The following CSMD1 variants were observed in gnomAD, a reference collection of about 807,000 sequenced individuals.
CSMD1 encodes CUB and sushi domain-containing protein 1.
In CSMD1, 213 loss-of-function variants were observed where a neutral mutation model predicts 417.5. The observed-to-expected ratio is 0.51, with a 90% CI of 0.46 to 0.57. The LOEUF is 0.57. Among genes scored for constraint, CSMD1 ranks in the 20% least tolerant of loss-of-function variants. The pLI, the probability that CSMD1 is intolerant of heterozygous loss-of-function variation, is 0.00. For missense variants in CSMD1, 6,923 were observed against 4,529.7 expected (o/e 1.53, Z -15.17); for synonymous variants, 2,862 against 1,736.8 (o/e 1.65, Z -16.11).
chr8:3,308,068 AATAT>A (rs1210235041), intron 24 of CSMD1, among the ~76,000 whole-genome samples: 20 of 30,782 alleles, frequency 6.5e-4, no homozygotes, highest in Non-Finnish European at 1.1e-3. Flanking sequence ...TAATTCTAAT[AATAT>A]GTGATAATTC....
chr8:3,322,463 G>A (rs898260352), intron 23 of CSMD1, among the ~76,000 whole-genome samples: 9 of 152,110 alleles, frequency 5.9e-5, no homozygotes, highest in African/African-American at 2.2e-4. Flanking sequence ...ATTTCATATA[G>A]ATCTTGTTTT....
chr8:4,409,825 T>C (rs929614716), intron 3 of CSMD1, among the ~76,000 whole-genome samples: 10 of 152,098 alleles, frequency 6.6e-5, no homozygotes, highest in Non-Finnish European at 1.5e-4. Context: ...TTAGTTTGTT[T>C]GTCTTTGAGA....
At chr8:3,430,850 A>G (rs1005423312) in intron 12 of CSMD1, among the ~76,000 whole-genome samples, 10 of 152,186 alleles carry the variant, frequency 6.6e-5, no homozygotes, top group African/African-American at 2.4e-4. Flanking sequence ...TTGTAAATAT[A>G]TAAGATAGGT....
intron 5 of CSMD1, among the ~76,000 whole-genome samples, chr8:3,843,897 ATTTACACCC>A (rs979542060): frequency 6.6e-6 from 1 of 152,188 alleles, no homozygotes; most frequent in Non-Finnish European, 1.5e-5. Context: ...GAGTAACGTA[ATTTACACCC>A]AGCAGAACTT....
chr8:4,632,755 C>G (rs1478281), intron 2 of CSMD1, among the ~76,000 whole-genome samples: 1 of 151,962 alleles, frequency 6.6e-6, no homozygotes, highest in East Asian at 1.9e-4. Context: ...AGAAAATGTA[C>G]GTGGGTTGTT....
intron 2 of CSMD1, among the ~76,000 whole-genome samples, chr8:4,471,709 C>T (rs999659283): frequency 2.0e-5 from 3 of 150,964 alleles, no homozygotes; most frequent in African/African-American, 7.3e-5. Flanking sequence ...GACCCATCTT[C>T]AAAGAAAAAT....
intron 3 of CSMD1, among the ~76,000 whole-genome samples, chr8:4,151,578 T>C (rs2131056235): frequency 6.6e-6 from 1 of 152,298 alleles, no homozygotes; most frequent in Non-Finnish European, 1.5e-5. Context: ...AATTAAAATG[T>C]TATCCTTGTC....
chr8:3,407,326 G>T (rs553623159), intron 14 of CSMD1, among the ~76,000 whole-genome samples: 2 of 152,032 alleles, frequency 1.3e-5, no homozygotes, highest in South Asian at 4.2e-4. Context: ...TGAATGGATG[G>T]ACACATGGAT....
At chr8:3,513,446 C>T (rs930452720) in intron 10 of CSMD1, among the ~76,000 whole-genome samples, 1 of 151,966 alleles carries the variant, frequency 6.6e-6, no homozygotes, top group African/African-American at 2.4e-5. Flanking sequence ...CCGACTCAGC[C>T]TCCTGAATAG....
At chr8:3,829,328 C>G (rs917157902) in intron 5 of CSMD1, among the ~76,000 whole-genome samples, 5 of 152,122 alleles carry the variant, frequency 3.3e-5, no homozygotes, top group African/African-American at 1.2e-4. Context: ...ATCACCTTTC[C>G]ATAACCAGGT....
intron 17 of CSMD1, among the ~76,000 whole-genome samples, chr8:3,394,115 G>A (rs1241031385): frequency 7.1e-6 from 1 of 141,256 alleles, no homozygotes; most frequent in Non-Finnish European, 1.5e-5. Context: ...GGTGATGGAA[G>A]AATGCCTTAC....
At chr8:4,591,513 GT>G (rs1172086336) in intron 2 of CSMD1, among the ~76,000 whole-genome samples, 2 of 152,182 alleles carry the variant, frequency 1.3e-5, no homozygotes, top group African/African-American at 4.8e-5. Flanking sequence ...GGAAGTCACT[GT>G]GGTATAGCGT....
At chr8:3,015,523 C>G (rs1808758458) in intron 52 of CSMD1, among the ~76,000 whole-genome samples, 1 of 151,840 alleles carries the variant, frequency 6.6e-6, no homozygotes, top group Admixed American at 6.6e-5. Context: ...AGAATCACTT[C>G]TGAATAGTAC....
intron 5 of CSMD1, among the ~76,000 whole-genome samples, chr8:3,974,549 T>A (rs1275749516): frequency 6.6e-6 from 1 of 152,076 alleles, no homozygotes; most frequent in Non-Finnish European, 1.5e-5. Flanking sequence ...TCTCAAAATA[T>A]TTAAATGTTT....
intron 10 of CSMD1, among the ~76,000 whole-genome samples, chr8:3,497,951 G>A (rs1000893455): frequency 6.6e-6 from 1 of 152,108 alleles, no homozygotes; most frequent in East Asian, 1.9e-4. Context: ...TTCAGATGAA[G>A]GGCTCCCATA....
intron 2 of CSMD1, among the ~76,000 whole-genome samples, chr8:4,591,701 A>G (rs1282039499): frequency 1.3e-5 from 2 of 152,178 alleles, no homozygotes; most frequent in Non-Finnish European, 2.9e-5. Flanking sequence ...TAATATAAAT[A>G]TGCAATGAAA....
At chr8:4,765,077 C>T (rs1812371970) in intron 1 of CSMD1, among the ~76,000 whole-genome samples, 1 of 152,082 alleles carries the variant, frequency 6.6e-6, no homozygotes, top group Non-Finnish European at 1.5e-5. Flanking sequence ...GCATGAGGAA[C>T]AGGTATGCAA....
At chr8:4,182,119 C>A (rs573257645) in intron 3 of CSMD1, among the ~76,000 whole-genome samples, 1 of 151,814 alleles carries the variant, frequency 6.6e-6, no homozygotes, top group African/African-American at 2.4e-5. Context: ...AAAACTTAAA[C>A]ACACCAAAAG....
At chr8:3,092,617 G>T (rs1242669289) in intron 47 of CSMD1, among the ~76,000 whole-genome samples, 1 of 152,110 alleles carries the variant, frequency 6.6e-6, no homozygotes, top group Non-Finnish European at 1.5e-5. Flanking sequence ...TTTTTCACCT[G>T]TCTATGGTAT....
Sources: allele counts gnomAD v4.1 joint callset (sites outside exome capture counted in the v4.1 genomes callset), GRCh38; gene constraint gnomAD v4.1.1; transcripts MANE v1.5; gene names NCBI Gene and HGNC (gene_info 2026-07-23, HGNC 2026-07-21).